Variants in IREB2 observed in about 807,000 individuals in gnomAD.
The protein encoded by IREB2 is iron responsive element binding protein 2.
IREB2 carries 39 observed loss-of-function variants against 118.8 expected under a neutral mutation model. The observed-to-expected ratio is 0.33, with a 90% CI of 0.25 to 0.43. The LOEUF (loss-of-function observed/expected upper bound fraction) is 0.43. Ranked by LOEUF, IREB2 falls within the 20% of genes least tolerant of loss-of-function variation. IREB2 has a pLI of 1.00. For missense variants in IREB2, 900 were observed against 1,147.3 expected (o/e 0.78, Z 3.11); for synonymous variants, 372 against 392.2 (o/e 0.95, Z 0.61).
intron 21 of IREB2, 75 bp from the exon 22 acceptor site, chr15:78,497,958 G>A: frequency 1.3e-6 from 1 of 783,534 alleles, no homozygotes; most frequent in Non-Finnish European, 2.2e-6. Flanking sequence ...TAAATATGAA[G>A]ACAAATGGTC....
intron 2 of IREB2, among the ~76,000 whole-genome samples, chr15:78,452,749 A>G (rs759159971): frequency 1.1e-4 from 16 of 152,130 alleles, no homozygotes; most frequent in Admixed American, 2.0e-4. Context: ...TTCAATTTTA[A>G]AAAAATGAAA....
intron 21 of IREB2, among the ~76,000 whole-genome samples, chr15:78,497,707 A>G (rs2051861921): frequency 6.6e-6 from 1 of 152,218 alleles, no homozygotes; most frequent in Non-Finnish European, 1.5e-5. Flanking sequence ...AAAAAAGGGG[A>G]AAGAGTAGGA....
intron 18 of IREB2, among the ~76,000 whole-genome samples, chr15:78,492,650 C>T (rs2051770691): frequency 1.3e-5 from 2 of 152,100 alleles, no homozygotes; most frequent in Admixed American, 6.6e-5. Context: ...GCTTGGAACT[C>T]GTGGGCTCAA....
rs2051702877 is a variant in IREB2, at chr15:78,488,766, A to G, written c.2071A>G (p.Ile691Val). The G allele has an allele frequency of 1.3e-6, 2 of 1,496,766 alleles. No homozygotes were observed. The highest frequency in any genetic ancestry group is 1.8e-6 in the Non-Finnish European group (2 of 1,082,806). The allele number at this position is 1,496,766 out of a possible 1,614,324, so 92.7% of individuals were successfully genotyped here. Reference protein sequence around the residue: ...LSMFKALKDKIEMGNKRWNSL... With the variant: ...LSMFKALKDKVEMGNKRWNSL... ...CATGTTTAAAGCATTAAAAGATAAA[A>G]TAGAAGTAAGAGTCTTATGTGTTTC... is the stretch of plus-strand genomic sequence containing the variant. Residue 691 changes from isoleucine to valine, a missense_variant, in exon 16 of 22, where the codon ATA becomes GTA. By Grantham distance (29) the Ile-to-Val change is conservative. Coordinates refer to ENST00000258886, the MANE Select transcript of IREB2 (RefSeq NM_004136.4).
chr15:78,492,677 AC>A (rs2051771544), intron 18 of IREB2, among the ~76,000 whole-genome samples: 1 of 152,080 alleles, frequency 6.6e-6, no homozygotes, highest in Admixed American at 6.5e-5. Flanking sequence ...CTCCTGTCTC[AC>A]CCTCCTGAGT....
chr15:78,457,240 T>A (rs1416695645), intron 2 of IREB2, among the ~76,000 whole-genome samples: 1 of 152,210 alleles, frequency 6.6e-6, no homozygotes, highest in African/African-American at 2.4e-5. Context: ...TTTTTTTTTC[T>A]TCTGTTGATG....
intron 20 of IREB2, among the ~76,000 whole-genome samples, chr15:78,496,618 A>G (rs1004435271): frequency 2.6e-5 from 4 of 151,882 alleles, no homozygotes; most frequent in African/African-American, 9.7e-5. Context: ...TTGTAGAGAC[A>G]GGGTCTCACT....
In IREB2 at chr15:78,493,853, A is replaced by C. The variant is rs575776734; in HGVS notation, c.2325-56A>C. On this transcript the variant is annotated intron_variant, in intron 18 of 21. Transcript: ENST00000258886. ...TTTTCAATAGGTCTTACAGCTCAAT[A>C]GTATGTGATTATTTTCCACATGTAA... 46 of 1,537,262 alleles carry C rather than the reference A, an allele frequency of 3.0e-5. No homozygotes were observed. The South Asian group carries it at 5.3e-4, about 18-fold the overall frequency.
chr15:78,473,968 A>G (rs2051422660), intron 8 of IREB2: 1 of 152,232 alleles, frequency 6.6e-6, no homozygotes, highest in African/African-American at 2.4e-5. Context: ...GAAATGTGAT[A>G]TATCATTTTT....
At chr15:78,444,949 C>T (rs1218268588) in intron 2 of IREB2, among the ~76,000 whole-genome samples, 1 of 152,012 alleles carries the variant, frequency 6.6e-6, no homozygotes, top group Non-Finnish European at 1.5e-5. Flanking sequence ...GTTAACAGAC[C>T]TTTGAATATT....
rs202131950 is a variant in IREB2 at position 78,447,167 on chromosome 15, TTTTC to T, written c.106+7298_106+7301del. On this transcript the variant is annotated intron_variant, in intron 2 of 21. Transcript: ENST00000258886. ...CTATTTCTGCTTTCCTTTCTTTTTC[TTTTC>T]TTTCTTTCTTTTTTTTTTTTTTTGA... 4.9e-3 allele frequency among the ~76,000 whole-genome samples: 743 copies of T among 151,584 alleles called. 23 individuals are homozygous for T. Among genetic ancestry groups the T allele is most frequent in the Admixed American group, 0.043 (648 of 15,120 alleles).
chr15:78,466,517 T>C (rs930706883), intron 5 of IREB2, 28 bp downstream of exon 5: 12 of 1,437,836 alleles, frequency 8.3e-6, no homozygotes, highest in Non-Finnish European at 1.2e-5. Context: ...TTAAAGTTTA[T>C]TAATACCAGG....
intron 2 of IREB2, among the ~76,000 whole-genome samples, chr15:78,456,641 G>A (rs1210357511): frequency 2.0e-5 from 3 of 151,558 alleles, no homozygotes; most frequent in Admixed American, 2.0e-4. Context: ...ACTCTAGCTT[G>A]GGTGACAGAG....
chr15:78,460,540 T>C (rs1238740184), intron 2 of IREB2, among the ~76,000 whole-genome samples: 1 of 152,188 alleles, frequency 6.6e-6, no homozygotes, highest in African/African-American at 2.4e-5. Context: ...GATAACTTCT[T>C]TGGTTTCGGA....
Position 78,486,610 on chromosome 15 carries a change from GA to G in IREB2, c.1709+782del, listed in dbSNP as rs879345371. Among the ~76,000 whole-genome samples the G allele has an allele frequency of 3.8e-3, 555 of 144,578 alleles. 4 individuals are homozygous for G. Among genetic ancestry groups the G allele is most frequent in the East Asian group, 0.015 (77 of 5,012 alleles). The allele number at this position is 144,578 out of a possible 152,430, so 94.8% of individuals were successfully genotyped here. ...ACAGAGCGAGACTCCATCTCAAAAA[GA>G]AAAAAAAAAAAGTAACCTATGTTTT... On this transcript the variant is annotated intron_variant, in intron 13 of 21. Coordinates refer to ENST00000258886, the MANE Select transcript of IREB2 (RefSeq NM_004136.4).
chr15:78,447,701 T>A (rs2050954762), intron 2 of IREB2, among the ~76,000 whole-genome samples: 1 of 152,082 alleles, frequency 6.6e-6, no homozygotes. Flanking sequence ...CTTCCTGCCT[T>A]GGCCTCCCAG....
intron 5 of IREB2, among the ~76,000 whole-genome samples, chr15:78,467,954 G>A (rs1272959584): frequency 6.6e-6 from 1 of 151,956 alleles, no homozygotes; most frequent in Non-Finnish European, 1.5e-5. Context: ...CGATCTCTTG[G>A]ACTCAGGTGA....
intron 5 of IREB2, among the ~76,000 whole-genome samples, chr15:78,467,654 C>T (rs1200422888): frequency 6.6e-6 from 1 of 151,936 alleles, no homozygotes; most frequent in Admixed American, 6.6e-5. Context: ...CACGCCACTG[C>T]ACTCCAGCCT....
At chr15:78,478,569 G>GC (rs1361994781) in intron 10 of IREB2, among the ~76,000 whole-genome samples, 172 bp downstream of exon 10, 1 of 152,208 alleles carries the variant, frequency 6.6e-6, no homozygotes, top group East Asian at 1.9e-4. Flanking sequence ...GCTGGGCATG[G>GC]CTTGCGCCTG....
Sources: allele counts gnomAD v4.1 joint callset (sites outside exome capture counted in the v4.1 genomes callset), GRCh38; gene constraint gnomAD v4.1.1; transcripts MANE v1.5; gene names NCBI Gene and HGNC (gene_info 2026-07-23, HGNC 2026-07-21).